Variants in AMZ2 observed in about 807,000 individuals in gnomAD.
The protein encoded by AMZ2 is archaelysin family metallopeptidase 2, also known as archaemetzincin-2.
A neutral mutation model predicts 36.7 loss-of-function variants in AMZ2; 26 were observed. The observed-to-expected ratio is 0.71, with a 90% CI of 0.52 to 0.98. The LOEUF is 0.98. AMZ2 is among the 50% of genes least tolerant of loss of function. AMZ2 has a pLI of 0.00. For missense variants in AMZ2, 394 were observed against 430.5 expected (o/e 0.92, Z 0.75); for synonymous variants, 144 against 149.1 (o/e 0.97, Z 0.25).
At chr17:68,232,285 C>G (rs7222897) in intron 1 of AMZ2, among the ~76,000 whole-genome samples, 20,308 of 151,606 alleles carry the variant, frequency 0.13, 1,470 homozygotes, top group East Asian at 0.18. Flanking sequence ...TCACTGGAGC[C>G]CAGGAGTATG....
intron 1 of AMZ2, among the ~76,000 whole-genome samples, chr17:68,240,448 G>A (rs2073878481): frequency 6.6e-6 from 1 of 152,148 alleles, no homozygotes; most frequent in Admixed American, 6.6e-5. Flanking sequence ...GAAAATAATT[G>A]ATGACCATAG....
upstream of AMZ2, among the ~76,000 whole-genome samples, chr17:68,244,119 A>G (rs1424470023): frequency 3.3e-5 from 5 of 152,212 alleles, no homozygotes; most frequent in Admixed American, 3.3e-4. Flanking sequence ...GACATCATAC[A>G]TATGGAAAAA....
Position 68,255,758 on chromosome 17 carries a change from G to C in AMZ2, c.809G>C (p.Cys270Ser). 1 of 1,614,208 alleles carries C rather than the reference G, an allele frequency of 6.2e-7. No individual in the cohort carries two copies. The highest frequency in any genetic ancestry group is 8.5e-7 in the Non-Finnish European group (1 of 1,180,036). The change falls in exon 6 of 7, where the codon TGC (cysteine) becomes TCC (serine). Residue 270 changes from cysteine to serine, a missense_variant. Transcript: ENST00000359904. Reference sequence around the variant, plus strand: ...CTGCGACACTGCCAGTGGCTTGCATGCCTCATGCAAGGCTCCAACCACTTG... The same window carrying C: ...CTGCGACACTGCCAGTGGCTTGCATCCCTCATGCAAGGCTCCAACCACTTG... ...FGLRHCQWLA[C>S]LMQGSNHLEE...
At chr17:68,233,976 T>G (rs1379093763) in intron 1 of AMZ2, among the ~76,000 whole-genome samples, 2 of 152,162 alleles carry the variant, frequency 1.3e-5, no homozygotes, top group African/African-American at 2.4e-5. Context: ...ACGCTTTGTT[T>G]TTCTGGATTG....
At chr17:68,212,781 G>A (rs1376201370) in intron 1 of AMZ2, among the ~76,000 whole-genome samples, 1 of 151,972 alleles carries the variant, frequency 6.6e-6, no homozygotes, top group African/African-American at 2.4e-5. Flanking sequence ...GTTTTGTCAT[G>A]TTGCCTAAAC....
At chr17:68,209,343 A>G (rs1278458529) in intron 1 of AMZ2, among the ~76,000 whole-genome samples, 1 of 151,542 alleles carries the variant, frequency 6.6e-6, no homozygotes, top group African/African-American at 2.4e-5. Flanking sequence ...ACAGGCGCCC[A>G]TCAGCATGCC....
At chr17:68,213,472 G>A (rs1435602113) in intron 1 of AMZ2, among the ~76,000 whole-genome samples, 1 of 152,222 alleles carries the variant, frequency 6.6e-6, no homozygotes, top group Non-Finnish European at 1.5e-5. Context: ...GAGTGTCAGA[G>A]CAGGGAATGG....
At chr17:68,210,267 C>T (rs1386923430) in intron 1 of AMZ2, among the ~76,000 whole-genome samples, 3 of 152,200 alleles carry the variant, frequency 2.0e-5, no homozygotes, top group East Asian at 3.9e-4. Context: ...TTCTCAATGA[C>T]CAAAAGGTGG....
At chr17:68,207,131 C>A (rs1307304242) in intron 1 of AMZ2, 7 of 152,294 alleles carry the variant, frequency 4.6e-5, no homozygotes, top group South Asian at 2.1e-4. Context: ...AACTTTTGGA[C>A]CAACTTCTAA....
intron 1 of AMZ2, among the ~76,000 whole-genome samples, chr17:68,221,809 A>G (rs113855120): frequency 0.021 from 3,229 of 152,158 alleles, 119 homozygotes; most frequent in African/African-American, 0.072. Context: ...CAGGAGAATC[A>G]TTTGAACCTG....
At chr17:68,231,250 T>C (rs1226453956) in intron 1 of AMZ2, among the ~76,000 whole-genome samples, 1 of 151,842 alleles carries the variant, frequency 6.6e-6, no homozygotes, top group African/African-American at 2.4e-5. Context: ...ATTTTTTTTT[T>C]AGTAGAGAGG....
At chr17:68,222,101 G>A (rs1163168358) in intron 1 of AMZ2, among the ~76,000 whole-genome samples, 1 of 152,258 alleles carries the variant, frequency 6.6e-6, no homozygotes, top group Non-Finnish European at 1.5e-5. Flanking sequence ...CGGAGCACTT[G>A]GAAGCAGCAG....
intron 1 of AMZ2, among the ~76,000 whole-genome samples, chr17:68,210,864 C>A (rs1472190998): frequency 6.7e-6 from 1 of 149,752 alleles, no homozygotes; most frequent in Non-Finnish European, 1.5e-5. Context: ...AGGAGGATCA[C>A]CTGAGCCCAA....
Position 68,256,860 on chromosome 17 carries a change from C to A in AMZ2, c.974C>A (p.Ala325Glu). Reference protein sequence around the residue: ...IDDESSDTPGATPEHSHEDNG... With the variant: ...IDDESSDTPGETPEHSHEDNG... ...GATGAATCTTCTGACACACCTGGAG[C>A]AACTCCAGAACACAGTCACGAGGAT... Residue 325 changes from alanine to glutamate, a missense_variant, in exon 7 of 7, where the codon GCA becomes GAA. Coordinates refer to ENST00000359904, the MANE Select transcript of AMZ2 (RefSeq NM_016627.5). 1 of 1,613,976 alleles carries A rather than the reference C, an allele frequency of 6.2e-7. No individual in the cohort carries two copies. Among genetic ancestry groups the A allele is most frequent in the Non-Finnish European group, 8.5e-7 (1 of 1,179,956 alleles).
At chr17:68,212,813 C>T (rs1438703766) in intron 1 of AMZ2, among the ~76,000 whole-genome samples, 10 of 152,064 alleles carry the variant, frequency 6.6e-5, no homozygotes, top group Admixed American at 1.3e-4. Context: ...AGCAATCCAC[C>T]GACCTCAGCC....
chr17:68,253,313 T>A (rs2074629832), intron 4 of AMZ2, among the ~76,000 whole-genome samples: 1 of 152,176 alleles, frequency 6.6e-6, no homozygotes, highest in Admixed American at 6.5e-5. Flanking sequence ...TCAAATTAGA[T>A]TGGACAAATC....
At chr17:68,212,281 A>C (rs1355577100) in intron 1 of AMZ2, among the ~76,000 whole-genome samples, 8 of 152,224 alleles carry the variant, frequency 5.3e-5, no homozygotes, top group Non-Finnish European at 1.0e-4. Flanking sequence ...CTGAGGCAAG[A>C]GGATTGCTTG....
chr17:68,210,384 C>T (rs1269865293), intron 1 of AMZ2, among the ~76,000 whole-genome samples: 21 of 152,164 alleles, frequency 1.4e-4, no homozygotes, highest in Non-Finnish European at 4.4e-5. Flanking sequence ...CATGTTACAA[C>T]ATGGAGAACC....
chr17:68,223,785 C>G (rs12936211), intron 1 of AMZ2, among the ~76,000 whole-genome samples: 55,860 of 150,746 alleles, frequency 0.37, 11,807 homozygotes, highest in African/African-American at 0.59. Context: ...GTGTGATCTT[C>G]GCTCACTGCA....
Sources: gnomAD v4.1 joint callset for allele counts (sites outside exome capture counted in the v4.1 genomes callset) on GRCh38, gnomAD v4.1.1 for gene constraint, MANE v1.5 for transcripts, NCBI Gene and HGNC (gene_info 2026-07-23, HGNC 2026-07-21) for gene names.